The following KSR2 variants were observed in gnomAD, a reference collection of about 807,000 sequenced individuals.
KSR2 encodes the protein kinase suppressor of ras 2.
A neutral mutation model predicts 107.8 loss-of-function variants in KSR2; 25 were observed. The observed-to-expected ratio is 0.23, with a 90% confidence interval of 0.17 to 0.32. The LOEUF is 0.32. Among genes scored for constraint, KSR2 ranks in the 10% least tolerant of loss-of-function variants. The pLI is 1.00. For synonymous variants in KSR2, 480 were observed against 507.0 expected, an observed-to-expected ratio of 0.95 and a Z score of 0.71; for missense variants, 887 against 1,268.9, an observed-to-expected ratio of 0.70 and a Z score of 4.57.
intron 4 of KSR2, among the ~76,000 whole-genome samples, chr12:117,673,385 G>A (rs1884993157): frequency 6.6e-6 from 1 of 152,034 alleles, no homozygotes; most frequent in South Asian, 2.1e-4. Flanking sequence ...TGGAATAAAA[G>A]TGAGAATGGG....
chr12:117,558,248 C>T (rs1330340906), intron 8 of KSR2, among the ~76,000 whole-genome samples: 4 of 152,004 alleles, frequency 2.6e-5, no homozygotes, highest in Non-Finnish European at 4.4e-5. Context: ...GATGAGAGAG[C>T]AGGGGTTAAG....
At chr12:117,503,077 A>T (rs1873474033) in intron 14 of KSR2, among the ~76,000 whole-genome samples, 2 of 152,216 alleles carry the variant, frequency 1.3e-5, no homozygotes, top group African/African-American at 4.8e-5. Context: ...GAGAAGGAGG[A>T]ACAGAAATGA....
chr12:117,846,878 A>ACAGC (rs1892724595), intron 3 of KSR2, among the ~76,000 whole-genome samples: 2 of 152,346 alleles, frequency 1.3e-5, no homozygotes, highest in South Asian at 4.1e-4. Context: ...ATGAGAACCC[A>ACAGC]CAGCCAGCCA....
At chr12:117,818,643 C>T (rs1197696129) in intron 3 of KSR2, among the ~76,000 whole-genome samples, 2 of 152,126 alleles carry the variant, frequency 1.3e-5, no homozygotes, top group Non-Finnish European at 2.9e-5. Flanking sequence ...GCAGTGTTTT[C>T]ATTGTGGTTA....
intron 5 of KSR2, among the ~76,000 whole-genome samples, chr12:117,661,698 C>G (rs1884437726): frequency 6.6e-6 from 1 of 152,110 alleles, no homozygotes; most frequent in Non-Finnish European, 1.5e-5. Flanking sequence ...TTCAATAGGG[C>G]TGGAGGGGAA....
chr12:117,607,668 A>AGAGGG, intron 5 of KSR2, among the ~76,000 whole-genome samples: 1 of 137,184 alleles, frequency 7.3e-6, no homozygotes. Flanking sequence ...AGAGGAGAGG[A>AGAGGG]GAGGAGAGGA....
chr12:117,761,619 C>G (rs1180196437), intron 3 of KSR2, 95 bp from the exon 4 acceptor site: 37 of 1,161,936 alleles, frequency 3.2e-5, no homozygotes, highest in Non-Finnish European at 4.2e-5. Flanking sequence ...ACACATTACA[C>G]CACGTGCCCA....
intron 4 of KSR2, among the ~76,000 whole-genome samples, chr12:117,704,328 A>T (rs887605231): frequency 4.6e-5 from 7 of 152,168 alleles, no homozygotes; most frequent in African/African-American, 1.7e-4. Context: ...TGGAAGGAGA[A>T]GCTGGTAATG....
intron 3 of KSR2, among the ~76,000 whole-genome samples, chr12:117,811,142 T>A (rs909682290): frequency 1.1e-4 from 17 of 152,142 alleles, no homozygotes; most frequent in Non-Finnish European, 1.5e-4. Context: ...AGAAAGTTCT[T>A]GCTTTAATGA....
intron 17 of KSR2, among the ~76,000 whole-genome samples, chr12:117,474,797 G>A (rs946095040): frequency 6.6e-6 from 1 of 151,982 alleles, no homozygotes; most frequent in African/African-American, 2.4e-5. Flanking sequence ...TCGTGTAGAG[G>A]CAGCTGTGTT....
At chr12:117,905,524 G>A (rs1894816066) in intron 1 of KSR2, among the ~76,000 whole-genome samples, 1 of 152,176 alleles carries the variant, frequency 6.6e-6, no homozygotes, top group Non-Finnish European at 1.5e-5. Flanking sequence ...ACAATGAAAG[G>A]AGGCAGGTGT....
chr12:117,736,719 G>C (rs767427658), intron 4 of KSR2, among the ~76,000 whole-genome samples: 7 of 151,828 alleles, frequency 4.6e-5, no homozygotes, highest in Non-Finnish European at 8.8e-5. Flanking sequence ...AGGCTGAGGT[G>C]GGAGGATCGC....
intron 4 of KSR2, among the ~76,000 whole-genome samples, chr12:117,707,480 G>A (rs1886573947): frequency 6.6e-6 from 1 of 152,174 alleles, no homozygotes; most frequent in South Asian, 2.1e-4. Flanking sequence ...GGACAGCCAG[G>A]GTTCAAAGCT....
chr12:117,851,901 A>C (rs1277452208), intron 3 of KSR2, among the ~76,000 whole-genome samples: 2 of 151,914 alleles, frequency 1.3e-5, no homozygotes, highest in Admixed American at 1.3e-4. Flanking sequence ...AAAAAAAAAA[A>C]AGAAAGTGGC....
chr12:117,844,406 T>G (rs1178276213), intron 3 of KSR2, among the ~76,000 whole-genome samples: 1 of 151,772 alleles, frequency 6.6e-6, no homozygotes, highest in Non-Finnish European at 1.5e-5. Context: ...ATGACAGAAA[T>G]TACTGAGTTT....
chr12:117,789,892 CCA>C (rs944875312), intron 3 of KSR2, among the ~76,000 whole-genome samples: 1 of 151,882 alleles, frequency 6.6e-6, no homozygotes, highest in Non-Finnish European at 1.5e-5. Context: ...AAAGTATTGT[CCA>C]CACACACACA....
At chr12:117,749,126 A>C (rs1443954311) in intron 4 of KSR2, among the ~76,000 whole-genome samples, 1 of 143,378 alleles carries the variant, frequency 7.0e-6, no homozygotes, top group African/African-American at 2.8e-5. Flanking sequence ...CTGGCAAAAA[A>C]AAAAAAAAAA....
intron 10 of KSR2, among the ~76,000 whole-genome samples, chr12:117,532,102 T>C (rs1875678575): frequency 6.6e-6 from 1 of 152,242 alleles, no homozygotes; most frequent in Non-Finnish European, 1.5e-5. Flanking sequence ...CTTTGTGCTT[T>C]TTCTGTACTT....
At chr12:117,947,659 A>G (rs1294843558) in intron 1 of KSR2, among the ~76,000 whole-genome samples, 1 of 152,070 alleles carries the variant, frequency 6.6e-6, no homozygotes, top group Non-Finnish European at 1.5e-5. Context: ...AGTTCCTAGT[A>G]CTTATAAGTG....
Sources: allele counts gnomAD v4.1 joint callset (sites outside exome capture counted in the v4.1 genomes callset), GRCh38; gene constraint gnomAD v4.1.1; transcripts MANE v1.5; gene names NCBI Gene and HGNC (gene_info 2026-07-23, HGNC 2026-07-21).